The following BAX variants were observed in gnomAD, a reference collection of about 807,000 sequenced individuals.
BAX encodes apoptosis regulator BAX.
BAX carries 21 observed loss-of-function variants against 26.8 expected under a neutral mutation model. The observed-to-expected ratio is 0.78, with a 90% CI of 0.56 to 1.13. The LOEUF (loss-of-function observed/expected upper bound fraction) is 1.13, where lower values mean the gene tolerates loss of function less well. Among genes scored for constraint, BAX ranks in the 50% most tolerant of loss-of-function variants. BAX has a pLI of 0.00. For synonymous variants in BAX, 110 were observed against 101.8 expected (o/e 1.08, Z -0.49); for missense variants, 236 against 254.6 (o/e 0.93, Z 0.50).
chr19:48,961,380 C>G, intron 5 of BAX, 152 bp from the exon 6 acceptor site: 1 of 1,203,518 alleles, frequency 8.3e-7, no homozygotes, highest in Middle Eastern at 2.7e-4. Context: ...AGCCACCATG[C>G]CTGGCCTGAG....
At chr19:48,957,540 G>T (rs557790028) in intron 4 of BAX, among the ~76,000 whole-genome samples, 1 of 152,178 alleles carries the variant, frequency 6.6e-6, no homozygotes, top group South Asian at 2.1e-4. Flanking sequence ...CTCCCAAAGT[G>T]CTGGGATTAC....
chr19:48,955,286 C>T lies in BAX; in HGVS notation c.35-262C>T, dbSNP rs532515852. ...GTGGGAGGGGCGGGTCTCGCCTCTG[C>T]CCCCTCAGGCCAGGGGTCTGGATGC... On this transcript the variant is annotated intron_variant, in intron 1 of 5. Coordinates refer to ENST00000345358, the MANE Select transcript of BAX (RefSeq NM_138761.4). 1.7e-4 allele frequency: 72 copies of T among 424,336 alleles called. No homozygotes were observed. In the East Asian group the frequency reaches 2.5e-3, roughly 15 times the overall value. The allele number at this position is 424,336 out of a possible 1,614,324, so 26.3% of individuals were successfully genotyped here.
At chr19:48,955,207 G>GC in intron 1 of BAX, 1 of 462,710 alleles carries the variant, frequency 2.2e-6, no homozygotes, top group Non-Finnish European at 3.5e-6. Context: ...CGGAAGCCAA[G>GC]CCCCCGGGCA....
At position 48,961,700 on chromosome 19, in the gene BAX, G is replaced by T; in HGVS notation, c.*64G>T. 1.5e-6 allele frequency: 2 copies of T among 1,361,520 alleles called. No homozygotes were observed. The highest frequency in any genetic ancestry group is 1.8e-4 in the Middle Eastern group (1 of 5,552). 84.3% of individuals were successfully genotyped at this position (1,361,520 alleles called of 1,614,324 possible). A position where few individuals can be genotyped will look rare whatever the true frequency, so the allele number is the denominator to read the frequency against. On this transcript the variant is annotated 3_prime_UTR_variant, in exon 6 of 6. Coordinates refer to ENST00000345358, the MANE Select transcript of BAX (RefSeq NM_138761.4). ...ATTATGGCATTTTTCTGGGAGGGGT[G>T]GGGATTGGGGGACGTGGGCATTTTT... is the stretch of plus-strand genomic sequence containing the variant.
chr19:48,955,339 C>T (rs1448617384), intron 1 of BAX: 3 of 529,470 alleles, frequency 5.7e-6, no homozygotes, highest in Admixed American at 3.9e-5. Flanking sequence ...CCTCTTTCCC[C>T]GGGGAGAATG....
chr19:48,956,652 A>AT (rs746344180), intron 4 of BAX, among the ~76,000 whole-genome samples: 5,016 of 118,154 alleles, frequency 0.042, 160 homozygotes, highest in African/African-American at 0.063. Flanking sequence ...AAAGATTTCT[A>AT]TTTTTTTTTT....
rs185793840 is a variant in BAX, at chr19:48,960,601, G to C, written c.370-209G>C. 2.5e-3 allele frequency among the ~76,000 whole-genome samples: 384 copies of C among 152,300 alleles called. 1 individual carries two copies. Among genetic ancestry groups the C allele is most frequent in the African/African-American group, 8.9e-3 (371 of 41,564 alleles). On this transcript the variant is annotated intron_variant, in intron 4 of 5. Transcript: ENST00000345358. Reference sequence around the variant, plus strand: ...TGGTCTTGAACTCCCGACCTCAAGTGATCCGCCTGCCTTGGCCTCCCAAAG... The same window carrying C: ...TGGTCTTGAACTCCCGACCTCAAGTCATCCGCCTGCCTTGGCCTCCCAAAG...
rs1249224639 is a variant in BAX at position 48,960,839 on chromosome 19, C to G, written c.399C>G (p.Ile133Met). 4 of 1,614,072 alleles carry G rather than the reference C, an allele frequency of 2.5e-6. No individual in the cohort carries two copies. The East Asian group carries it at 8.9e-5, about 36-fold the overall frequency. ...KALCTKVPELIRTIMGWTLDF... is the reference protein window; with the variant it reads ...KALCTKVPELMRTIMGWTLDF... ...TGTGCACCAAGGTGCCGGAACTGAT[C>G]AGAACCATCATGGGCTGGACATTGG... Residue 133 changes from isoleucine (I) to methionine (M), a missense_variant, in exon 5 of 6, where the codon ATC becomes ATG. By Grantham distance (10) the Ile-to-Met change is conservative. Transcript: ENST00000345358.
rs528135337 is a variant in BAX at position 48,958,472 on chromosome 19, C to T, written c.369+2139C>T. Among the ~76,000 whole-genome samples, 249 of 150,150 alleles carry T rather than the reference C, an allele frequency of 1.7e-3. 1 individual carries two copies. Among genetic ancestry groups the T allele is most frequent in the Middle Eastern group, 0.01 (3 of 286 alleles). ...TGGGTTCAAGCAATTCTACCTCAGCCTCCTGAGAAGCTGGGATTACAGGCT... is the reference window on the plus strand; with the variant it reads ...TGGGTTCAAGCAATTCTACCTCAGCTTCCTGAGAAGCTGGGATTACAGGCT... On this transcript the variant is annotated intron_variant, in intron 4 of 5. Transcript: ENST00000345358.
At chr19:48,955,171 T>G (rs1195438975) in intron 1 of BAX, 3 of 584,720 alleles carry the variant, frequency 5.1e-6, no homozygotes, top group Non-Finnish European at 7.6e-6. Context: ...TCTGGCGCTC[T>G]CGGACCCTCG....
intron 4 of BAX, among the ~76,000 whole-genome samples, chr19:48,957,233 T>C (rs973287868): frequency 3.4e-5 from 5 of 146,858 alleles, no homozygotes; most frequent in Non-Finnish European, 7.5e-5. Context: ...TTGTGTGGAG[T>C]TTTTCGGGCT....
intron 5 of BAX, chr19:48,961,212 C>G: frequency 6.8e-7 from 1 of 1,475,084 alleles, no homozygotes; most frequent in East Asian, 2.3e-5. Context: ...TCTGGAATTG[C>G]TCAAGTTCAT....
chr19:48,959,075 G>T (rs767235313), intron 4 of BAX, among the ~76,000 whole-genome samples: 1 of 151,896 alleles, frequency 6.6e-6, no homozygotes, highest in South Asian at 2.1e-4. Context: ...CTCTGGCTGG[G>T]CGTGGTGGCT....
chr19:48,961,435 C>T, intron 5 of BAX, 97 bp from the exon 6 acceptor site: 1 of 1,270,648 alleles, frequency 7.9e-7, no homozygotes, highest in Non-Finnish European at 1.1e-6. Context: ...TGCCCGCAAT[C>T]CTGCCTTCTG....
intron 4 of BAX, among the ~76,000 whole-genome samples, chr19:48,958,764 C>T (rs1235104777): frequency 1.3e-5 from 2 of 151,848 alleles, no homozygotes; most frequent in Non-Finnish European, 2.9e-5. Context: ...AGGCTGGTCT[C>T]GAACTCCTTA....
intron 1 of BAX, chr19:48,955,250 C>T: frequency 2.4e-6 from 1 of 419,524 alleles, no homozygotes; most frequent in Non-Finnish European, 4.1e-6. Flanking sequence ...CACTTCCTGC[C>T]TCTGGCACTG....
Position 48,960,810 on chromosome 19 carries a change from G to A in BAX, c.370G>A (p.Ala124Thr), listed in dbSNP as rs376997564. Residue 124 changes from alanine to threonine, a missense_variant and splice_region_variant, in exon 5 of 6, where the codon GCC becomes ACC. Coordinates refer to ENST00000345358, the MANE Select transcript of BAX (RefSeq NM_138761.4). ...CTAACGCCCACTCCACTCCCCACAG[G>A]CCCTGTGCACCAAGGTGCCGGAACT... ...FYFASKLVLK[A>T]LCTKVPELIR... The A allele has an allele frequency of 4.4e-6, 7 of 1,609,062 alleles. No homozygotes were observed. The Admixed American group carries it at 5.0e-5, about 12-fold the overall frequency.
intron 4 of BAX, among the ~76,000 whole-genome samples, chr19:48,956,652 A>ATTT (rs746344180): frequency 5.1e-5 from 6 of 118,208 alleles, no homozygotes; most frequent in Non-Finnish European, 7.2e-5. Context: ...AAAGATTTCT[A>ATTT]TTTTTTTTTT....
Position 48,955,352 on chromosome 19 carries a change from G to A in BAX, c.35-196G>A, listed in dbSNP as rs567190547. ...AGCCTCTTTCCCCGGGGAGAATGTA[G>A]GATACAGGCCCAGCCTCCTGGCCTT... On this transcript the variant is annotated intron_variant, in intron 1 of 5. Transcript: ENST00000345358. The A allele has an allele frequency of 2.1e-5, 12 of 572,358 alleles. No individual in the cohort carries two copies. In the East Asian group the frequency reaches 3.5e-4, roughly 16 times the overall value. 35.5% of individuals were successfully genotyped at this position (572,358 alleles called of 1,614,324 possible).
Sources: allele counts gnomAD v4.1 joint callset (sites outside exome capture counted in the v4.1 genomes callset), GRCh38; gene constraint gnomAD v4.1.1; transcripts MANE v1.5; gene names NCBI Gene and HGNC (gene_info 2026-07-23, HGNC 2026-07-21).